CHODL: variants seen among roughly 807,000 people sequenced by gnomAD.
CHODL encodes chondrolectin.
A neutral mutation model predicts 34.5 loss-of-function variants in CHODL; 29 were observed. The ratio of observed to expected loss-of-function variants is 0.84; its 90% CI spans 0.63 to 1.15. The LOEUF (loss-of-function observed/expected upper bound fraction) is 1.15. Among genes scored for constraint, CHODL ranks in the 50% most tolerant of loss-of-function variants. CHODL has a pLI of 0.00. For missense variants in CHODL, 332 were observed against 332.5 expected, an observed-to-expected ratio of 1.00 and a Z score of 0.01; for synonymous variants, 125 against 116.1, an observed-to-expected ratio of 1.08 and a Z score of -0.49.
chr21:18,101,809 T>C (rs1487694212), intron 2 of CHODL, among the ~76,000 whole-genome samples: 1 of 151,876 alleles, frequency 6.6e-6, no homozygotes, highest in East Asian at 1.9e-4. Context: ...TGTGTGACAC[T>C]CCTTGAAAAA....
At chr21:18,210,289 G>A (rs2073758702) in intron 2 of CHODL, among the ~76,000 whole-genome samples, 1 of 152,152 alleles carries the variant, frequency 6.6e-6, no homozygotes, top group Non-Finnish European at 1.5e-5. Context: ...CCAGTGCAAT[G>A]TCCCACAATC....
chr21:18,095,262 G>A (rs533653311), intron 2 of CHODL, among the ~76,000 whole-genome samples: 64 of 152,118 alleles, frequency 4.2e-4, no homozygotes, highest in Non-Finnish European at 7.5e-4. Context: ...CCTTTAGACA[G>A]ACAAACTGAG....
At chr21:18,101,884 G>A (rs934391665) in intron 2 of CHODL, among the ~76,000 whole-genome samples, 9 of 151,968 alleles carry the variant, frequency 5.9e-5, no homozygotes, top group Non-Finnish European at 1.3e-4. Flanking sequence ...GCCCAAATTG[G>A]TTTTGAAAAG....
intron 2 of CHODL, among the ~76,000 whole-genome samples, chr21:18,186,409 T>C (rs1211156892): frequency 6.7e-6 from 1 of 149,060 alleles, no homozygotes; most frequent in Admixed American, 6.6e-5. Context: ...AAAAAAAAAA[T>C]TAAAAAAAAA....
At chr21:18,083,648 A>G (rs2064968850) in intron 2 of CHODL, among the ~76,000 whole-genome samples, 1 of 152,220 alleles carries the variant, frequency 6.6e-6, no homozygotes, top group African/African-American at 2.4e-5. Context: ...GATGTGAGAC[A>G]TGGAGTCCAA....
chr21:17,996,947 C>G (rs372349315), intron 1 of CHODL, among the ~76,000 whole-genome samples: 1 of 151,968 alleles, frequency 6.6e-6, no homozygotes, highest in African/African-American at 2.4e-5. Context: ...TAGCTAAATA[C>G]ATATTACTTT....
intron 1 of CHODL, among the ~76,000 whole-genome samples, chr21:17,954,144 A>T (rs906893730): frequency 6.6e-6 from 1 of 152,226 alleles, no homozygotes. Context: ...TATCAGAAAA[A>T]GTAGATTTTA....
At chr21:18,256,060 A>G (rs1159017711) in intron 1 of CHODL, among the ~76,000 whole-genome samples, 1 of 152,130 alleles carries the variant, frequency 6.6e-6, no homozygotes, top group Non-Finnish European at 1.5e-5. Flanking sequence ...TAAATCTGCC[A>G]CTTTGTATCT....
At chr21:17,938,700 G>A (rs1253986966) in intron 1 of CHODL, among the ~76,000 whole-genome samples, 2 of 151,830 alleles carry the variant, frequency 1.3e-5, no homozygotes, top group East Asian at 1.9e-4. Flanking sequence ...GGATGGTCTC[G>A]ATCTCCTGAC....
intron 2 of CHODL, among the ~76,000 whole-genome samples, chr21:18,145,202 C>T (rs912667562): frequency 3.3e-5 from 5 of 150,556 alleles, no homozygotes; most frequent in Admixed American, 1.3e-4. Flanking sequence ...TTTGGGAGGC[C>T]GAGACTGGCG....
chr21:18,017,024 A>T (rs2064081654), intron 1 of CHODL, among the ~76,000 whole-genome samples: 1 of 152,266 alleles, frequency 6.6e-6, no homozygotes, highest in Non-Finnish European at 1.5e-5. Context: ...TCTTGGAAGT[A>T]ACTAACTTGC....
chr21:17,997,638 G>A (rs925305974), intron 1 of CHODL, among the ~76,000 whole-genome samples: 1 of 152,172 alleles, frequency 6.6e-6, no homozygotes, highest in Non-Finnish European at 1.5e-5. Context: ...CAGAATCATA[G>A]CGGGAGATGA....
intron 1 of CHODL, among the ~76,000 whole-genome samples, chr21:17,994,682 C>T (rs2063831038): frequency 6.6e-6 from 1 of 152,160 alleles, no homozygotes; most frequent in African/African-American, 2.4e-5. Flanking sequence ...GCGTCAGTGA[C>T]AGCAGTGGCA....
chr21:18,034,151 T>C (rs2064281261), intron 2 of CHODL, among the ~76,000 whole-genome samples: 1 of 152,118 alleles, frequency 6.6e-6, no homozygotes, highest in Non-Finnish European at 1.5e-5. Flanking sequence ...CAGTCATGTG[T>C]AGGAAATCAT....
At chr21:17,997,292 G>A (rs1242566192) in intron 1 of CHODL, among the ~76,000 whole-genome samples, 1 of 152,166 alleles carries the variant, frequency 6.6e-6, no homozygotes, top group African/African-American at 2.4e-5. Context: ...GGGAGACAGG[G>A]CATGGCCAGC....
intron 2 of CHODL, 54 bp from the exon 3 acceptor site, chr21:18,256,916 C>A: frequency 6.3e-7 from 1 of 1,589,514 alleles, no homozygotes; most frequent in Non-Finnish European, 8.6e-7. Flanking sequence ...GTAGGACAGG[C>A]AGAATCATTT....
At position 18,234,214 on chromosome 21, in the gene CHODL, C is replaced by T. The variant is rs552191974; in HGVS notation, c.-44-22295C>T. Among the ~76,000 whole-genome samples, 12 of 152,266 alleles carry T rather than the reference C, an allele frequency of 7.9e-5. No homozygotes were observed. In the East Asian group the frequency reaches 1.5e-3, roughly 20 times the overall value. ...TCTGTGACCGCCATCAGAGTCCCCT[C>T]TGTGAGCGGAAGTGATGTTTGCCGG... is the stretch of plus-strand genomic sequence containing the variant. On this transcript the variant is annotated intron_variant, in intron 2 of 6. Transcript: ENST00000400127.
intron 1 of CHODL, among the ~76,000 whole-genome samples, chr21:18,010,118 C>CAAAAAAAAA (rs547675850): frequency 4.9e-5 from 3 of 61,232 alleles, no homozygotes; most frequent in Admixed American, 2.4e-4. Flanking sequence ...TACTAAAATA[C>CAAAAAAAAA]AAAAAAAAAA....
At position 17,983,551 on chromosome 21, in the gene CHODL, GTTTT is replaced by G. The variant is rs2063730417; in HGVS notation, c.-144-44319_-144-44316del. Among the ~76,000 whole-genome samples, 3 of 152,082 alleles carry G rather than the reference GTTTT, an allele frequency of 2.0e-5. No individual in the cohort carries two copies. The East Asian group carries it at 5.8e-4, about 29-fold the overall frequency. On this transcript the variant is annotated intron_variant, in intron 1 of 6. Transcript: ENST00000400127. ...TCACCCAAACTAAGTCTTGTCATTA[GTTTT>G]TCATCTTTGTTAATCAGGTAGTCAA...
Sources: allele counts gnomAD v4.1 joint callset (sites outside exome capture counted in the v4.1 genomes callset), GRCh38; gene constraint gnomAD v4.1.1; transcripts MANE v1.5; gene names NCBI Gene and HGNC (gene_info 2026-07-23, HGNC 2026-07-21).